Variants in CLASP1 observed in about 807,000 individuals in gnomAD.
The protein encoded by CLASP1 is CLIP-associating protein 1.
CLASP1 carries 38 observed loss-of-function variants against 192.3 expected under a neutral mutation model. The ratio of observed to expected loss-of-function variants is 0.20; its 90% CI spans 0.15 to 0.26. The LOEUF is 0.26. CLASP1 is among the 10% of genes least tolerant of loss of function. The pLI is 1.00. For missense variants in CLASP1, 1,433 were observed against 1,932.5 expected (o/e 0.74, Z 4.85); for synonymous variants, 691 against 712.8 (o/e 0.97, Z 0.49).
intron 2 of CLASP1, among the ~76,000 whole-genome samples, chr2:121,561,152 C>A (rs1460921777): frequency 1.3e-5 from 2 of 152,254 alleles, no homozygotes; most frequent in Admixed American, 6.5e-5. Context: ...GGTGATCCAA[C>A]CACCTCGGCC....
At chr2:121,456,987 G>C (rs58385116) in intron 14 of CLASP1, among the ~76,000 whole-genome samples, 2,050 of 152,302 alleles carry the variant, frequency 0.013, 41 homozygotes, top group African/African-American at 0.046. Context: ...TTGCTGGAAA[G>C]AGGGTTCATA....
At chr2:121,467,565 G>A (rs1368893779) in intron 9 of CLASP1, among the ~76,000 whole-genome samples, 8 of 152,146 alleles carry the variant, frequency 5.3e-5, no homozygotes, top group Non-Finnish European at 1.2e-4. Context: ...GTGATGTTGA[G>A]CTTTTTTTCA....
intron 30 of CLASP1, among the ~76,000 whole-genome samples, chr2:121,396,575 G>C (rs2075315690): frequency 6.6e-6 from 1 of 152,132 alleles, no homozygotes; most frequent in African/African-American, 2.4e-5. Context: ...TATGATCAAA[G>C]CTAGTTTGTC....
intron 1 of CLASP1, among the ~76,000 whole-genome samples, chr2:121,645,483 T>C (rs1258751487): frequency 6.6e-6 from 1 of 152,200 alleles, no homozygotes; most frequent in Non-Finnish European, 1.5e-5. Flanking sequence ...GCTCAAATTA[T>C]ATTAGTCTAC....
chr2:121,454,152 A>G (rs1455052609), intron 14 of CLASP1, among the ~76,000 whole-genome samples: 1 of 99,858 alleles, frequency 1.0e-5, no homozygotes, highest in African/African-American at 3.7e-5. Flanking sequence ...CTCCCTGCCC[A>G]CCCCCCCCTC....
At chr2:121,506,226 G>T (rs961013823) in intron 7 of CLASP1, among the ~76,000 whole-genome samples, 16 of 152,116 alleles carry the variant, frequency 1.1e-4, no homozygotes, top group Non-Finnish European at 1.9e-4. Context: ...CAGCAGCCTG[G>T]CAGCCACTAG....
At chr2:121,526,969 T>C (rs1435369030) in intron 5 of CLASP1, among the ~76,000 whole-genome samples, 1 of 151,908 alleles carries the variant, frequency 6.6e-6, no homozygotes, top group Non-Finnish European at 1.5e-5. Flanking sequence ...ATGGCTAAAA[T>C]AAAAAAATGA....
intron 3 of CLASP1, 121 bp downstream of exon 3, chr2:121,530,126 G>A: frequency 1.3e-6 from 1 of 778,452 alleles, no homozygotes; most frequent in South Asian, 1.7e-5. Context: ...GAGCGGAAGG[G>A]AGGGAGAGGG....
At chr2:121,374,287 C>T (rs1233309541) in intron 34 of CLASP1, among the ~76,000 whole-genome samples, 1 of 152,218 alleles carries the variant, frequency 6.6e-6, no homozygotes, top group African/African-American at 2.4e-5. Flanking sequence ...TGTGGGTATG[C>T]AGAAGGCAAG....
intron 18 of CLASP1, among the ~76,000 whole-genome samples, chr2:121,447,759 C>G (rs559961213): frequency 6.6e-6 from 1 of 152,108 alleles, no homozygotes; most frequent in East Asian, 1.9e-4. Flanking sequence ...ACTATAAACC[C>G]CAAAGAAATG....
chr2:121,460,161 C>A (rs1380388765), intron 11 of CLASP1, 36 bp from the exon 12 acceptor site: 16 of 1,550,200 alleles, frequency 1.0e-5, no homozygotes, highest in Non-Finnish European at 1.3e-5. Context: ...AAATAGAAAA[C>A]AATTCTAACA....
At chr2:121,445,050 C>G in intron 19 of CLASP1, 1 of 766,628 alleles carries the variant, frequency 1.3e-6, no homozygotes, top group East Asian at 6.1e-5. Flanking sequence ...TTATTAGCTA[C>G]TAAAAAAGCA....
chr2:121,634,610 T>C (rs1280184361), intron 1 of CLASP1, among the ~76,000 whole-genome samples: 4 of 152,182 alleles, frequency 2.6e-5, no homozygotes, highest in African/African-American at 9.7e-5. Context: ...TTTGGCCACT[T>C]CAGAAATCCA....
intron 1 of CLASP1, among the ~76,000 whole-genome samples, chr2:121,613,388 A>G (rs544221926): frequency 3.3e-5 from 5 of 152,318 alleles, no homozygotes; most frequent in African/African-American, 1.2e-4. Context: ...TTATCAGAGG[A>G]ACCAGAACAA....
At chr2:121,340,128 A>C (rs932414740) in exon 40 of CLASP1, 3 of 152,188 alleles carry the variant, frequency 2.0e-5, no homozygotes, top group African/African-American at 7.2e-5. Context: ...TTTTGTGTCC[A>C]GATTTAAACT....
At chr2:121,377,783 A>G in intron 33 of CLASP1, 134 bp from the exon 35 acceptor site, 1 of 609,586 alleles carries the variant, frequency 1.6e-6, no homozygotes, top group Non-Finnish European at 2.7e-6. Flanking sequence ...TTGGAATGAA[A>G]AGGAGACGTC....
In CLASP1 at chr2:121,495,820, A is replaced by G. The variant is rs550356639; in HGVS notation, c.712+7347T>C. ...ACCCCTAAAATTGAGCAACTGGAGG[A>G]GAATCTATTATTCTGAGCACCAACC... On this transcript the variant is annotated intron_variant, in intron 8 of 39. Transcript: ENST00000263710. Among the ~76,000 whole-genome samples, 15 of 152,326 alleles carry G rather than the reference A, an allele frequency of 9.8e-5. 1 individual carries two copies. Among genetic ancestry groups the G allele is most frequent in the African/African-American group, 3.4e-4 (14 of 41,582 alleles).
intron 22 of CLASP1, 46 bp from the exon 23 acceptor site, chr2:121,418,775 T>A: frequency 7.7e-7 from 1 of 1,290,608 alleles, no homozygotes; most frequent in South Asian, 1.2e-5. Flanking sequence ...ACAAGTTTAA[T>A]GAAGACAGAT....
chr2:121,469,504 T>C lies in CLASP1; in HGVS notation c.865+304A>G, dbSNP rs532191435. ...TTGCTGGATCCAGATAACTAAACAA[T>C]GTGATGAGGGTGCGCTCTTGCTCTT... On this transcript the variant is annotated intron_variant, in intron 9 of 39. Transcript: ENST00000263710. Among the ~76,000 whole-genome samples, 6 of 152,234 alleles carry C rather than the reference T, an allele frequency of 3.9e-5. No homozygotes were observed. In the South Asian group the frequency reaches 1.2e-3, roughly 32 times the overall value.
Sources: allele counts gnomAD v4.1 joint callset (sites outside exome capture counted in the v4.1 genomes callset), GRCh38; gene constraint gnomAD v4.1.1; transcripts MANE v1.5; gene names NCBI Gene and HGNC (gene_info 2026-07-23, HGNC 2026-07-21).